DNAH17: variants seen among roughly 807,000 people sequenced by gnomAD.
DNAH17 encodes the protein dynein axonemal heavy chain 17, also known as axonemal beta dynein heavy chain 17.
A neutral mutation model predicts 485.6 loss-of-function variants in DNAH17; 376 were observed. The observed-to-expected ratio is 0.77, with a 90% CI of 0.71 to 0.84. The LOEUF (loss-of-function observed/expected upper bound fraction) is 0.84, where lower values mean the gene tolerates loss of function less well. DNAH17 is among the 40% of genes least tolerant of loss of function. DNAH17 has a pLI of 0.00. For missense variants in DNAH17, 6,370 were observed against 5,839.3 expected, an observed-to-expected ratio of 1.09 and a Z score of -2.96; for synonymous variants, 3,031 against 2,405.9, an observed-to-expected ratio of 1.26 and a Z score of -7.60.
chr17:78,535,085 G>A (rs779204186), intron 19 of DNAH17, among the ~76,000 whole-genome samples: 1 of 152,194 alleles, frequency 6.6e-6, no homozygotes, highest in Non-Finnish European at 1.5e-5. Flanking sequence ...GCTCTGGAAT[G>A]TTCTGCCTGA....
chr17:78,439,246 AC>A, intron 72 of DNAH17, 29 bp from the exon 73 acceptor site: 1 of 1,591,604 alleles, frequency 6.3e-7, no homozygotes, highest in Non-Finnish European at 8.6e-7. Flanking sequence ...GGAAAAAAAC[AC>A]CACGTAATTA....
chr17:78,517,731 C>CT (rs1188293704), intron 25 of DNAH17, among the ~76,000 whole-genome samples: 2 of 152,222 alleles, frequency 1.3e-5, no homozygotes, highest in Non-Finnish European at 2.9e-5. Context: ...TGCTGGCATT[C>CT]TTTAAAAAGT....
intron 14 of DNAH17, among the ~76,000 whole-genome samples, chr17:78,556,990 C>T (rs2092038110): frequency 6.6e-6 from 1 of 152,162 alleles, no homozygotes; most frequent in African/African-American, 2.4e-5. Flanking sequence ...GAAGGAGGTG[C>T]CCTCAACAAG....
At chr17:78,543,483 G>A (rs138946549) in intron 17 of DNAH17, among the ~76,000 whole-genome samples, 5 of 151,462 alleles carry the variant, frequency 3.3e-5, no homozygotes, top group East Asian at 2.0e-4. Context: ...GTAGAGACGG[G>A]GTTTCACCTT....
Position 78,494,183 on chromosome 17 carries a change from C to T in DNAH17, c.6271-10G>A, listed in dbSNP as rs2089976769. 3 of 1,606,800 alleles carry T rather than the reference C, an allele frequency of 1.9e-6. No homozygotes were observed. The highest frequency in any genetic ancestry group is 3.3e-5 in the Admixed American group (2 of 59,832). ...TGCTCTGCTTGATGATCTGGGGAGA[C>T]ATGGATGAGGCTGGGTGAGGAACTG... On this transcript the variant is annotated splice_polypyrimidine_tract_variant and intron_variant, in intron 40 of 80. Coordinates refer to ENST00000389840, the MANE Select transcript of DNAH17 (RefSeq NM_173628.4).
At chr17:78,436,241 A>G (rs900604746) in intron 74 of DNAH17, among the ~76,000 whole-genome samples, 23 of 152,312 alleles carry the variant, frequency 1.5e-4, no homozygotes, top group Admixed American at 6.5e-4. Context: ...AGCGTGGCCA[A>G]CATGGTGAAA....
intron 16 of DNAH17, among the ~76,000 whole-genome samples, chr17:78,544,620 G>A (rs989370179): frequency 4.6e-5 from 7 of 151,964 alleles, no homozygotes; most frequent in South Asian, 2.1e-4. Flanking sequence ...GGCTAACACG[G>A]TGAAACCCTG....
intron 75 of DNAH17, among the ~76,000 whole-genome samples, chr17:78,429,525 C>G (rs978442963): frequency 3.9e-5 from 6 of 152,334 alleles, no homozygotes; most frequent in African/African-American, 1.4e-4. Context: ...GCCCCTTTGG[C>G]TTCTCTCACA....
At chr17:78,425,063 G>C (rs2086374775) in intron 80 of DNAH17, 1 of 319,904 alleles carries the variant, frequency 3.1e-6, no homozygotes, top group African/African-American at 2.2e-5. Context: ...CATCACGTCG[G>C]AGCTGCTCTC....
At chr17:78,576,903 G>A (rs2092440800) in intron 1 of DNAH17, among the ~76,000 whole-genome samples, 1 of 152,194 alleles carries the variant, frequency 6.6e-6, no homozygotes. Flanking sequence ...TGAAGGCCAG[G>A]AGGTCCCAGT....
At chr17:78,446,590 T>C (rs1265929455) in intron 69 of DNAH17, among the ~76,000 whole-genome samples, 2 of 152,120 alleles carry the variant, frequency 1.3e-5, no homozygotes, top group African/African-American at 2.4e-5. Context: ...CGGGTCGTTT[T>C]GGCTGTTGTG....
chr17:78,566,785 G>T, intron 10 of DNAH17, 55 bp from the exon 11 acceptor site: 3 of 1,452,620 alleles, frequency 2.1e-6, no homozygotes, highest in Non-Finnish European at 2.8e-6. Flanking sequence ...CAAGCCAAGG[G>T]CACCCTCTCC....
rs144836089 is a variant in DNAH17, at chr17:78,450,778, G to A, written c.10803C>T (p.Ala3601=). 6.8e-6 allele frequency: 11 copies of A among 1,613,916 alleles called. No homozygotes were observed. In the African/African-American group the frequency reaches 1.2e-4, roughly 18 times the overall value. ...VLKELEDSLL[A]RLSAASGNFL... is the part of the protein sequence containing the mutation. Reference sequence around the variant, plus strand: ...AGTTCCCCGACGCAGCCGACAGACGGGCCAGGAGCGAATCTTCCAGCTCTT... The same window carrying A: ...AGTTCCCCGACGCAGCCGACAGACGAGCCAGGAGCGAATCTTCCAGCTCTT... Residue 3601 remains alanine, a synonymous_variant, in exon 67 of 81, where the codon GCC becomes GCT. Coordinates refer to ENST00000389840, the MANE Select transcript of DNAH17 (RefSeq NM_173628.4).
intron 78 of DNAH17, 52 bp from the exon 79 acceptor site, chr17:78,426,652 G>A: frequency 6.5e-7 from 1 of 1,546,994 alleles, no homozygotes; most frequent in East Asian, 2.3e-5. Flanking sequence ...GCCTGGGAGA[G>A]CACCAGCCCC....
At chr17:78,525,993 C>T (rs1486890639) in intron 24 of DNAH17, among the ~76,000 whole-genome samples, 1 of 152,232 alleles carries the variant, frequency 6.6e-6, no homozygotes. Context: ...GCCGACCCAG[C>T]AGTACCTGGG....
intron 24 of DNAH17, 27 bp from the exon 25 acceptor site, chr17:78,525,188 AG>A: frequency 6.2e-7 from 1 of 1,606,728 alleles, no homozygotes. Context: ...GGCCGTCAGT[AG>A]GGCTACCTAC....
At chr17:78,505,478 C>A (rs778533373) in intron 30 of DNAH17, 33 bp from the exon 31 acceptor site, 10 of 1,613,408 alleles carry the variant, frequency 6.2e-6, no homozygotes, top group Non-Finnish European at 8.5e-6. Flanking sequence ...AATTATGCAA[C>A]GGGGGATTTG....
rs1248086732 is a variant in DNAH17, at chr17:78,460,241, T to G, written c.9356A>C (p.Gln3119Pro). Residue 3119 changes from glutamine (Q) to proline (P), a missense_variant, in exon 59 of 81, where the codon CAA (glutamine) becomes CCA (proline). Coordinates refer to ENST00000389840, the MANE Select transcript of DNAH17 (RefSeq NM_173628.4). ...EVINKNVTEK[Q>P]KACETDLAKA... is the part of the protein sequence containing the mutation. ...GGCCAGGTCTGTTTCACAGGCCTTTTGCTTCTCAGTGACGTTCTGGAAGGA... is the reference window on the plus strand; with the variant it reads ...GGCCAGGTCTGTTTCACAGGCCTTTGGCTTCTCAGTGACGTTCTGGAAGGA... The G allele has an allele frequency of 6.2e-7, 1 of 1,601,966 alleles. No homozygotes were observed. The highest frequency in any genetic ancestry group is 8.5e-7 in the Non-Finnish European group (1 of 1,173,438).
intron 19 of DNAH17, among the ~76,000 whole-genome samples, chr17:78,534,916 C>A (rs1390289525): frequency 6.6e-6 from 1 of 152,164 alleles, no homozygotes; most frequent in Non-Finnish European, 1.5e-5. Context: ...GTACTCTCTG[C>A]CACCAAGCTA....
Sources: gnomAD v4.1 joint callset for allele counts (sites outside exome capture counted in the v4.1 genomes callset) on GRCh38, gnomAD v4.1.1 for gene constraint, MANE v1.5 for transcripts, NCBI Gene and HGNC (gene_info 2026-07-23, HGNC 2026-07-21) for gene names.